Variants in RFX4 observed in about 807,000 individuals in gnomAD.
RFX4 encodes the protein regulatory factor X4.
A neutral mutation model predicts 95.0 loss-of-function variants in RFX4; 10 were observed. That is an observed-to-expected ratio of 0.11 (90% CI 0.06 to 0.18). The LOEUF (loss-of-function observed/expected upper bound fraction) is 0.18, where lower values mean the gene tolerates loss of function less well. Ranked by LOEUF, RFX4 falls within the 10% of genes least tolerant of loss-of-function variation. The probability of loss-of-function intolerance (pLI) is 1.00; values close to 1 mark genes in which losing one functional copy is unlikely to be tolerated. For missense variants in RFX4, 640 were observed against 922.0 expected, an observed-to-expected ratio of 0.69 and a Z score of 3.96; for synonymous variants, 321 against 340.7, an observed-to-expected ratio of 0.94 and a Z score of 0.64.
At chr12:106,669,373 G>C (rs1251548551) in intron 4 of RFX4, among the ~76,000 whole-genome samples, 1 of 152,088 alleles carries the variant, frequency 6.6e-6, no homozygotes, top group Non-Finnish European at 1.5e-5. Context: ...TTTTCAGTGA[G>C]GACATGGGTA....
intron 1 of RFX4, chr12:106,601,308 G>A: frequency 6.3e-7 from 1 of 1,595,702 alleles, no homozygotes; most frequent in Non-Finnish European, 8.5e-7. Flanking sequence ...CCTGGTGCGG[G>A]AGGCGACAGG....
chr12:106,643,118 G>C (rs1427901454), intron 3 of RFX4, among the ~76,000 whole-genome samples: 2 of 152,188 alleles, frequency 1.3e-5, no homozygotes, highest in Non-Finnish European at 2.9e-5. Flanking sequence ...GTCCATCACT[G>C]AATACAGGCT....
At chr12:106,648,977 ACT>A (rs1220002590) in intron 3 of RFX4, among the ~76,000 whole-genome samples, 2 of 152,032 alleles carry the variant, frequency 1.3e-5, no homozygotes, top group Non-Finnish European at 1.5e-5. Flanking sequence ...TCAGATAATG[ACT>A]CATGTTAGCT....
intron 2 of RFX4, among the ~76,000 whole-genome samples, chr12:106,610,127 A>C (rs527369593): frequency 2.3e-4 from 35 of 151,790 alleles, no homozygotes; most frequent in Admixed American, 2.2e-3. Context: ...ATAAAACACT[A>C]CTCGAGAGGC....
chr12:106,709,310 C>T lies in RFX4; in HGVS notation c.834-20C>T. The T allele has an allele frequency of 6.2e-7, 1 of 1,604,146 alleles. No homozygotes were observed. Among genetic ancestry groups the T allele is most frequent in the Non-Finnish European group, 8.5e-7 (1 of 1,171,434 alleles). On this transcript the variant is annotated intron_variant, in intron 8 of 17. Coordinates refer to ENST00000392842, the MANE Select transcript of RFX4 (RefSeq NM_213594.3). ...TAAGCAACATGTGCAGCACTTAAAA[C>T]TCATCGTTTCTTTTTCTAGCTTAAC...
At chr12:106,645,650 T>C (rs1371217438) in intron 3 of RFX4, among the ~76,000 whole-genome samples, 1 of 152,172 alleles carries the variant, frequency 6.6e-6, no homozygotes, top group Non-Finnish European at 1.5e-5. Context: ...GGTAAGACAT[T>C]GGGTTTGGCA....
chr12:106,723,237 A>G (rs1009100354), intron 13 of RFX4, among the ~76,000 whole-genome samples: 18 of 152,226 alleles, frequency 1.2e-4, no homozygotes, highest in African/African-American at 4.1e-4. Flanking sequence ...TCTTTGCTGC[A>G]AGCAGTGTTT....
At chr12:106,736,684 G>A (rs1592998944) in intron 15 of RFX4, among the ~76,000 whole-genome samples, 1 of 152,096 alleles carries the variant, frequency 6.6e-6, no homozygotes, top group East Asian at 1.9e-4. Context: ...ACAGCTTTGG[G>A]GGCAACAGCG....
chr12:106,642,766 C>T (rs1239995036), intron 3 of RFX4, among the ~76,000 whole-genome samples: 1 of 152,156 alleles, frequency 6.6e-6, no homozygotes, highest in African/African-American at 2.4e-5. Flanking sequence ...GAGAAGGTGA[C>T]ATTTCAGTGG....
At chr12:106,658,483 A>C (rs1289534162) in intron 4 of RFX4, among the ~76,000 whole-genome samples, 1 of 152,186 alleles carries the variant, frequency 6.6e-6, no homozygotes, top group Admixed American at 6.5e-5. Flanking sequence ...GTTCAGTCCA[A>C]TTTAAAACTT....
At chr12:106,736,274 C>G (rs967501989) in intron 15 of RFX4, among the ~76,000 whole-genome samples, 4 of 152,174 alleles carry the variant, frequency 2.6e-5, no homozygotes, top group African/African-American at 7.2e-5. Flanking sequence ...TCCCACATAG[C>G]CCAGGGCAGT....
chr12:106,623,794 A>G (rs539896960), intron 2 of RFX4, among the ~76,000 whole-genome samples: 6 of 152,372 alleles, frequency 3.9e-5, no homozygotes, highest in Admixed American at 1.3e-4. Flanking sequence ...CAAAAAAACA[A>G]AAATCCAGCA....
chr12:106,756,034 T>C (rs974726545), intron 17 of RFX4, among the ~76,000 whole-genome samples: 1 of 152,220 alleles, frequency 6.6e-6, no homozygotes, highest in African/African-American at 2.4e-5. Context: ...ACACTACTTA[T>C]TTGCACAATA....
intron 2 of RFX4, among the ~76,000 whole-genome samples, chr12:106,625,035 C>T (rs554878648): frequency 1.1e-4 from 16 of 151,984 alleles, no homozygotes; most frequent in African/African-American, 3.1e-4. Flanking sequence ...ATGTGTTGCT[C>T]GGAATGGGAG....
At chr12:106,723,403 C>A (rs1431885706) in intron 13 of RFX4, among the ~76,000 whole-genome samples, 1 of 152,166 alleles carries the variant, frequency 6.6e-6, no homozygotes, top group Admixed American at 6.5e-5. Context: ...TTGGTGCCAG[C>A]GCCTTTACCT....
At chr12:106,698,268 C>A (rs1379267173) in intron 8 of RFX4, among the ~76,000 whole-genome samples, 2 of 152,056 alleles carry the variant, frequency 1.3e-5, no homozygotes, top group East Asian at 3.9e-4. Context: ...GCCCCCTACA[C>A]CTGGCCAATT....
At chr12:106,608,697 G>A (rs2137203084) in intron 1 of RFX4, 100 bp from the exon 2 acceptor site, 1 of 1,064,818 alleles carries the variant, frequency 9.4e-7, no homozygotes, top group East Asian at 2.6e-5. Flanking sequence ...TAAATCTAAT[G>A]CATTTATGAT....
chr12:106,705,944 G>A (rs2137481741), intron 8 of RFX4, among the ~76,000 whole-genome samples: 1 of 152,346 alleles, frequency 6.6e-6, no homozygotes, highest in African/African-American at 2.4e-5. Flanking sequence ...CAGTGAGAAA[G>A]ATGCACAATG....
At chr12:106,718,794 T>G (rs866922570) in intron 11 of RFX4, among the ~76,000 whole-genome samples, 2 of 152,146 alleles carry the variant, frequency 1.3e-5, no homozygotes, top group African/African-American at 4.8e-5. Context: ...ATGTTTCTAT[T>G]TTCTAGAGCA....
Sources: gnomAD v4.1 joint callset for allele counts (sites outside exome capture counted in the v4.1 genomes callset) on GRCh38, gnomAD v4.1.1 for gene constraint, MANE v1.5 for transcripts, NCBI Gene and HGNC (gene_info 2026-07-23, HGNC 2026-07-21) for gene names.